LAMP3: variants seen among roughly 807,000 people sequenced by gnomAD.
LAMP3 encodes lysosome-associated membrane glycoprotein 3.
LAMP3 carries 26 observed loss-of-function variants against 34.8 expected under a neutral mutation model. The observed-to-expected ratio is 0.75, with a 90% CI of 0.55 to 1.04. The LOEUF (loss-of-function observed/expected upper bound fraction) is 1.04. LAMP3 is among the 50% of genes least tolerant of loss of function. The pLI is 0.00. For synonymous variants in LAMP3, 180 were observed against 201.9 expected, an observed-to-expected ratio of 0.89 and a Z score of 0.92; for missense variants, 495 against 524.0, an observed-to-expected ratio of 0.94 and a Z score of 0.54.
intron 4 of LAMP3, among the ~76,000 whole-genome samples, chr3:183,139,730 G>A (rs1165370045): frequency 2.6e-5 from 4 of 152,136 alleles, no homozygotes; most frequent in African/African-American, 9.7e-5. Flanking sequence ...AAGTGAAACC[G>A]CGAATAAGGT....
chr3:183,140,632 C>T (rs1366324660), intron 3 of LAMP3, 37 bp from the exon 4 acceptor site: 2 of 1,265,924 alleles, frequency 1.6e-6, no homozygotes, highest in Admixed American at 3.5e-5. Context: ...TGGGTTATCT[C>T]TACTCATATG....
At chr3:183,160,258 C>G (rs1720938895) in intron 1 of LAMP3, among the ~76,000 whole-genome samples, 1 of 152,182 alleles carries the variant, frequency 6.6e-6, no homozygotes, top group African/African-American at 2.4e-5. Context: ...AGAGAGTTTA[C>G]CCAAAAGCTC....
intron 4 of LAMP3, among the ~76,000 whole-genome samples, chr3:183,137,995 A>G (rs774763254): frequency 7.3e-5 from 11 of 151,556 alleles, no homozygotes; most frequent in Non-Finnish European, 8.8e-5. Context: ...ACTTTTTTTT[A>G]TATTTCTAGT....
At chr3:183,158,617 A>C (rs1161689456) in intron 1 of LAMP3, among the ~76,000 whole-genome samples, 3 of 152,054 alleles carry the variant, frequency 2.0e-5, no homozygotes, top group Non-Finnish European at 4.4e-5. Context: ...TGGTTCCCCT[A>C]CAACCAGTGG....
chr3:183,140,125 G>A (rs889781729), intron 4 of LAMP3, among the ~76,000 whole-genome samples: 10 of 152,096 alleles, frequency 6.6e-5, no homozygotes, highest in African/African-American at 1.2e-4. Flanking sequence ...AAGCAGCATC[G>A]GCCGGGTGCA....
intron 1 of LAMP3, among the ~76,000 whole-genome samples, chr3:183,155,772 G>T (rs528904059): frequency 3.3e-5 from 5 of 152,190 alleles, no homozygotes; most frequent in Non-Finnish European, 7.3e-5. Flanking sequence ...CATTTTTACC[G>T]TCAGTGCCTG....
At chr3:183,128,897 C>A (rs1719846136) in intron 5 of LAMP3, among the ~76,000 whole-genome samples, 1 of 152,136 alleles carries the variant, frequency 6.6e-6, no homozygotes, top group South Asian at 2.1e-4. Flanking sequence ...TATTGCGACT[C>A]ATTTCCTCTC....
intron 1 of LAMP3, chr3:183,158,169 T>C (rs956779170): frequency 1.3e-5 from 2 of 152,236 alleles, no homozygotes; most frequent in African/African-American, 4.8e-5. Context: ...GTGATTCAAC[T>C]GGGGTAGGTA....
At chr3:183,149,395 C>G (rs1032303119) in intron 3 of LAMP3, among the ~76,000 whole-genome samples, 1 of 151,116 alleles carries the variant, frequency 6.6e-6, no homozygotes, top group African/African-American at 2.4e-5. Context: ...CAAAAATTAG[C>G]CAGGCGTGGT....
chr3:183,162,989 G>T, upstream of LAMP3: 1 of 269,286 alleles, frequency 3.7e-6, no homozygotes, highest in Non-Finnish European at 7.0e-6. Context: ...ACGAAGTCTC[G>T]CTCTGTCGCC....
chr3:183,123,354 T>G lies in LAMP3; in HGVS notation c.*727A>C, dbSNP rs918889156. On this transcript the variant is annotated 3_prime_UTR_variant, in exon 6 of 6. Transcript: ENST00000265598. ...TGGGTGGATCACCTGAGGTCAAGAGTTCAAGACCAGTCTGGCCAACATGGT... is the reference window on the plus strand; with the variant it reads ...TGGGTGGATCACCTGAGGTCAAGAGGTCAAGACCAGTCTGGCCAACATGGT... 6.6e-6 allele frequency: 1 copy of G among 151,074 alleles called. No individual in the cohort carries two copies. Among genetic ancestry groups the G allele is most frequent in the African/African-American group, 2.4e-5 (1 of 40,954 alleles). 9.4% of individuals were successfully genotyped at this position (151,074 alleles called of 1,614,324 possible). A position where few individuals can be genotyped will look rare whatever the true frequency, so the allele number is the denominator to read the frequency against.
In LAMP3 at chr3:183,124,130, A is replaced by G; in HGVS notation, c.1202T>C (p.Val401Ala). Reference protein sequence around the residue: ...VVGLCLMGMGVYKIRLRCQSS... With the variant: ...VVGLCLMGMGAYKIRLRCQSS... The stretch of plus-strand genomic sequence containing the variant: ...TTGACACCTTAGGCGGATTTTATAG[A>G]CACCCATACCCATAAGGCAGAGACC... Residue 401 changes from valine (V) to alanine (A), a missense_variant, in exon 6 of 6, where the codon GTC becomes GCC. By Grantham distance (64) the Val-to-Ala change is moderately conservative. Transcript: ENST00000265598. 1.2e-6 allele frequency: 2 copies of G among 1,613,988 alleles called. No homozygotes were observed. The highest frequency in any genetic ancestry group is 1.7e-6 in the Non-Finnish European group (2 of 1,179,952).
At chr3:183,135,913 A>G in intron 4 of LAMP3, 26 bp from the exon 5 acceptor site, 1 of 1,585,526 alleles carries the variant, frequency 6.3e-7, no homozygotes, top group Non-Finnish European at 8.7e-7. Context: ...ATAGATGCAT[A>G]AGAGTCCTGA....
intron 1 of LAMP3, among the ~76,000 whole-genome samples, chr3:183,157,917 C>T (rs542394550): frequency 7.9e-5 from 12 of 152,056 alleles, no homozygotes; most frequent in Non-Finnish European, 1.3e-4. Flanking sequence ...ATGTAGGAAG[C>T]CTTGGTGGGG....
chr3:183,157,183 A>G (rs927542055), intron 1 of LAMP3, among the ~76,000 whole-genome samples: 5 of 152,250 alleles, frequency 3.3e-5, no homozygotes, highest in Non-Finnish European at 5.9e-5. Context: ...TTATAAAAAG[A>G]CCGATGACTA....
Position 183,127,869 on chromosome 3 carries a change from C to T in LAMP3, c.1118-3655G>A, listed in dbSNP as rs187102454. Among the ~76,000 whole-genome samples the T allele has an allele frequency of 1.7e-4, 26 of 152,200 alleles. No individual in the cohort carries two copies. In the East Asian group the frequency reaches 4.3e-3, roughly 25 times the overall value. On this transcript the variant is annotated intron_variant, in intron 5 of 5. Transcript: ENST00000265598. ...CTGACTGGCTGGGCACGGTGGCTCACGCCTGTAATCCCAGCACTTTGGGAG... is the reference window on the plus strand; with the variant it reads ...CTGACTGGCTGGGCACGGTGGCTCATGCCTGTAATCCCAGCACTTTGGGAG...
chr3:183,142,557 G>T (rs1481682614), intron 3 of LAMP3, among the ~76,000 whole-genome samples: 1 of 151,940 alleles, frequency 6.6e-6, no homozygotes, highest in Admixed American at 6.6e-5. Context: ...CCATTTTACA[G>T]CTGAGAACAA....
intron 5 of LAMP3, among the ~76,000 whole-genome samples, chr3:183,125,207 G>A (rs1719754701): frequency 6.6e-6 from 1 of 152,170 alleles, no homozygotes; most frequent in African/African-American, 2.4e-5. Flanking sequence ...GCAAATAAAT[G>A]AAGAACCATG....
At chr3:183,139,452 G>A (rs1413543545) in intron 4 of LAMP3, among the ~76,000 whole-genome samples, 1 of 151,756 alleles carries the variant, frequency 6.6e-6, no homozygotes, top group Non-Finnish European at 1.5e-5. Flanking sequence ...CTTATCCTTG[G>A]GGGATACAAC....
Sources: gnomAD v4.1 joint callset for allele counts (sites outside exome capture counted in the v4.1 genomes callset) on GRCh38, gnomAD v4.1.1 for gene constraint, MANE v1.5 for transcripts, NCBI Gene and HGNC (gene_info 2026-07-23, HGNC 2026-07-21) for gene names.